The following STRN3 variants were observed in gnomAD, a reference collection of about 807,000 sequenced individuals.
The protein encoded by STRN3 is striatin 3.
Under a neutral mutation model 95.6 loss-of-function variants are expected in STRN3, and 29 were observed. The observed-to-expected ratio is 0.30, with a 90% CI of 0.23 to 0.41. STRN3 has a LOEUF of 0.41. Ranked by LOEUF, STRN3 falls within the 10% of genes least tolerant of loss-of-function variation. The pLI is 1.00. For synonymous variants in STRN3, 331 were observed against 357.6 expected, an observed-to-expected ratio of 0.93 and a Z score of 0.84; for missense variants, 890 against 972.1, an observed-to-expected ratio of 0.92 and a Z score of 1.12.
chr14:30,898,716 C>T (rs562249000), intron 16 of STRN3, among the ~76,000 whole-genome samples: 43 of 152,178 alleles, frequency 2.8e-4, no homozygotes, highest in Non-Finnish European at 5.7e-4. Flanking sequence ...TCATTTTGGC[C>T]TCGTGCTTCT....
chr14:30,930,640 C>T (rs1878484745), intron 7 of STRN3, among the ~76,000 whole-genome samples: 1 of 151,976 alleles, frequency 6.6e-6, no homozygotes, highest in South Asian at 2.1e-4. Context: ...AAAACTTACA[C>T]CTAAGATTAT....
chr14:30,970,461 C>T (rs890347133), intron 1 of STRN3, among the ~76,000 whole-genome samples: 2 of 152,190 alleles, frequency 1.3e-5, no homozygotes, highest in African/African-American at 2.4e-5. Flanking sequence ...AGCTCCCCTC[C>T]CCCAGCTGTC....
intron 1 of STRN3, among the ~76,000 whole-genome samples, chr14:30,961,813 C>G (rs1424176397): frequency 6.6e-6 from 1 of 152,156 alleles, no homozygotes; most frequent in Non-Finnish European, 1.5e-5. Context: ...TGCTTTGTTG[C>G]CCAGGCTGGC....
intron 1 of STRN3, among the ~76,000 whole-genome samples, chr14:30,973,396 AAG>A (rs1234552034): frequency 6.6e-6 from 1 of 151,500 alleles, no homozygotes; most frequent in African/African-American, 2.4e-5. Flanking sequence ...GAGAGAGAGA[AAG>A]AGAGAAGGGA....
intron 5 of STRN3, among the ~76,000 whole-genome samples, chr14:30,945,070 A>G (rs569093107): frequency 1.3e-5 from 2 of 152,244 alleles, no homozygotes; most frequent in East Asian, 3.9e-4. Context: ...TTTCTAACCT[A>G]TGTTACTCAG....
chr14:30,929,399 A>G (rs1250361832), intron 7 of STRN3, 88 bp from the exon 8 acceptor site: 8 of 1,002,590 alleles, frequency 8.0e-6, no homozygotes, highest in Admixed American at 2.1e-5. Context: ...TTACATAATC[A>G]TAATAAAATG....
At chr14:30,977,703 G>A (rs1197125000) in intron 1 of STRN3, among the ~76,000 whole-genome samples, 1 of 144,924 alleles carries the variant, frequency 6.9e-6, no homozygotes, top group Non-Finnish European at 1.5e-5. Flanking sequence ...TGAGGCAGGA[G>A]AATCGCTTGA....
chr14:30,943,360 T>C (rs1246405285), intron 5 of STRN3, among the ~76,000 whole-genome samples: 2 of 152,142 alleles, frequency 1.3e-5, no homozygotes, highest in Admixed American at 6.5e-5. Flanking sequence ...AGGCAGGAAG[T>C]TGCTTGGGGC....
chr14:31,017,577 G>C (rs552586577), intron 1 of STRN3, among the ~76,000 whole-genome samples: 43 of 152,198 alleles, frequency 2.8e-4, no homozygotes, highest in African/African-American at 9.9e-4. Context: ...TGTATTGAGG[G>C]ACTTGAGCAT....
chr14:30,933,456 A>AT (rs1878658457), intron 7 of STRN3, among the ~76,000 whole-genome samples: 1 of 151,886 alleles, frequency 6.6e-6, no homozygotes, highest in South Asian at 2.1e-4. Flanking sequence ...TTTTTAAAAC[A>AT]TATTTGTATT....
chr14:30,925,068 T>C (rs745770132), intron 8 of STRN3, among the ~76,000 whole-genome samples: 29 of 152,282 alleles, frequency 1.9e-4, no homozygotes, highest in South Asian at 1.7e-3. Context: ...CAAGCCTCTT[T>C]AGTTTCTTAG....
rs74796355 is a variant in STRN3, at chr14:30,960,898, A to G, written c.283-4656T>C. ...AAAAAAAAAAAAAAAAAATAGAAAG[A>G]AAAGAAAAAAAGAAAATGAACATCT... On this transcript the variant is annotated intron_variant, in intron 1 of 17. Coordinates refer to ENST00000357479, the MANE Select transcript of STRN3 (RefSeq NM_001083893.2). Among the ~76,000 whole-genome samples the G allele has an allele frequency of 5.0e-3, 755 of 151,050 alleles. 3 individuals carry two copies. The highest frequency in any genetic ancestry group is 0.017 in the Middle Eastern group (5 of 292).
intron 8 of STRN3, among the ~76,000 whole-genome samples, chr14:30,924,224 A>C (rs1284169629): frequency 1.7e-4 from 8 of 46,260 alleles, no homozygotes; most frequent in African/African-American, 7.0e-4. Flanking sequence ...AAAAAAAAAA[A>C]ACAAAAAAAC....
intron 1 of STRN3, among the ~76,000 whole-genome samples, chr14:30,973,229 A>G (rs1210997050): frequency 1.3e-5 from 2 of 151,848 alleles, no homozygotes; most frequent in Non-Finnish European, 2.9e-5. Context: ...GTAGAGGCAA[A>G]TAAAGATTGG....
chr14:31,014,397 T>C (rs1334134417), intron 1 of STRN3, among the ~76,000 whole-genome samples: 1 of 152,064 alleles, frequency 6.6e-6, no homozygotes, highest in African/African-American at 2.4e-5. Flanking sequence ...AATTTTTGTA[T>C]TTTTAGTAAA....
intron 1 of STRN3, chr14:31,025,607 G>A (rs1883798280): frequency 2.1e-6 from 1 of 476,248 alleles, no homozygotes; most frequent in Non-Finnish European, 3.8e-6. Flanking sequence ...AGCCCCGGAG[G>A]CCCGGGAAGG....
At chr14:30,915,478 G>A (rs1005793801) in intron 9 of STRN3, among the ~76,000 whole-genome samples, 2 of 152,084 alleles carry the variant, frequency 1.3e-5, no homozygotes, top group African/African-American at 4.8e-5. Context: ...ATCTTTCAAT[G>A]ATGACACTTA....
At chr14:30,930,294 T>C (rs575397490) in intron 7 of STRN3, among the ~76,000 whole-genome samples, 1 of 152,256 alleles carries the variant, frequency 6.6e-6, no homozygotes, top group East Asian at 1.9e-4. Context: ...TTTAACACTC[T>C]GACTTGTTAA....
At chr14:30,913,445 T>C in intron 10 of STRN3, 79 bp downstream of exon 10, 1 of 1,375,580 alleles carries the variant, frequency 7.3e-7, no homozygotes, top group Admixed American at 2.7e-5. Context: ...TTGATATTAA[T>C]TCTGTTTTAT....
Sources: allele counts gnomAD v4.1 joint callset (sites outside exome capture counted in the v4.1 genomes callset), GRCh38; gene constraint gnomAD v4.1.1; transcripts MANE v1.5; gene names NCBI Gene and HGNC (gene_info 2026-07-23, HGNC 2026-07-21).